Variants in KPNA1 observed in about 807,000 individuals in gnomAD.
KPNA1 encodes the protein importin subunit alpha-5.
In KPNA1, 10 loss-of-function variants were observed where a neutral mutation model predicts 70.5. The observed-to-expected ratio is 0.14, with a 90% CI of 0.09 to 0.24. The LOEUF is 0.24. Ranked by LOEUF, KPNA1 falls within the 10% of genes least tolerant of loss-of-function variation. The pLI is 1.00. For synonymous variants in KPNA1, 192 were observed against 221.9 expected (o/e 0.87, Z 1.20); for missense variants, 397 against 637.9 (o/e 0.62, Z 4.07).
intron 1 of KPNA1, among the ~76,000 whole-genome samples, chr3:122,511,822 G>A (rs1353631127): frequency 6.6e-6 from 1 of 152,222 alleles, no homozygotes; most frequent in Non-Finnish European, 1.5e-5. Flanking sequence ...GGTCTTAACT[G>A]ATTTTATACA....
intron 1 of KPNA1, among the ~76,000 whole-genome samples, chr3:122,501,138 C>T (rs2076824751): frequency 6.6e-6 from 1 of 151,228 alleles, no homozygotes; most frequent in African/African-American, 2.4e-5. Flanking sequence ...AAGTGATTCT[C>T]CTGCCTCAGC....
chr3:122,480,231 C>T (rs1391040711), intron 2 of KPNA1, among the ~76,000 whole-genome samples: 1 of 152,116 alleles, frequency 6.6e-6, no homozygotes, highest in Non-Finnish European at 1.5e-5. Flanking sequence ...TGATATCAAA[C>T]CCACAGAATG....
chr3:122,482,064 AC>A (rs1205419022), intron 2 of KPNA1, among the ~76,000 whole-genome samples: 1 of 146,758 alleles, frequency 6.8e-6, no homozygotes, highest in Non-Finnish European at 1.5e-5. Flanking sequence ...GCATCACTTA[AC>A]AAGAGTCTGA....
chr3:122,455,524 A>G (rs1006318423), intron 5 of KPNA1, among the ~76,000 whole-genome samples: 1 of 152,202 alleles, frequency 6.6e-6, no homozygotes, highest in Non-Finnish European at 1.5e-5. Flanking sequence ...CGTCTGAATT[A>G]AAACTTGACA....
intron 5 of KPNA1, chr3:122,460,762 C>T: frequency 1.4e-6 from 1 of 722,592 alleles, no homozygotes. Context: ...TACACAGATT[C>T]CTGACAAAGT....
intron 2 of KPNA1, among the ~76,000 whole-genome samples, chr3:122,488,924 T>C (rs953223211): frequency 6.6e-6 from 1 of 152,220 alleles, no homozygotes; most frequent in Admixed American, 6.5e-5. Flanking sequence ...TTCTTCATTA[T>C]AAAAGGTTTT....
At position 122,449,594 on chromosome 3, in the gene KPNA1, C is replaced by T. The variant is rs749836282; in HGVS notation, c.897G>A (p.Arg299=). 1.9e-6 allele frequency: 3 copies of T among 1,613,114 alleles called. No individual in the cohort carries two copies. Among genetic ancestry groups the T allele is most frequent in the Admixed American group, 3.3e-5 (2 of 59,832 alleles). ...IQAVIDAGVC[R]RLVELLMHND... is the part of the protein sequence containing the mutation. Reference sequence around the variant, plus strand: ...CTTACATCAGCAGTTCCACAAGTCTCCTACATACTCCCGCATCGATGACCG... The same window carrying T: ...CTTACATCAGCAGTTCCACAAGTCTTCTACATACTCCCGCATCGATGACCG... Residue 299 remains arginine (R), a synonymous_variant, in exon 9 of 14, where the codon AGG becomes AGA. Transcript: ENST00000344337.
At chr3:122,457,597 T>C in intron 5 of KPNA1, 1 of 767,120 alleles carries the variant, frequency 1.3e-6, no homozygotes, top group South Asian at 1.8e-5. Context: ...ACTCACTAAA[T>C]AAGGCTACAC....
At position 122,424,131 on chromosome 3, in the gene KPNA1, C is replaced by T. The variant is rs903257088; in HGVS notation, c.*2854G>A. ...TTTTCCCCCACCAAAGTTCTCATTACAAATAATATAGATTGGAAGTTTGGA... is the reference window on the plus strand; with the variant it reads ...TTTTCCCCCACCAAAGTTCTCATTATAAATAATATAGATTGGAAGTTTGGA... On this transcript the variant is annotated 3_prime_UTR_variant, in exon 14 of 14. Coordinates refer to ENST00000344337, the MANE Select transcript of KPNA1 (RefSeq NM_002264.4). 2 of 151,986 alleles carry T rather than the reference C, an allele frequency of 1.3e-5. No individual in the cohort carries two copies. Among genetic ancestry groups the T allele is most frequent in the Admixed American group, 1.3e-4 (2 of 15,250 alleles). The allele number at this position is 151,986 out of a possible 1,614,324, so 9.4% of individuals were successfully genotyped here. A position where few individuals can be genotyped will look rare whatever the true frequency, so the allele number is the denominator to read the frequency against.
intron 1 of KPNA1, among the ~76,000 whole-genome samples, chr3:122,503,732 T>C (rs1333338374): frequency 6.6e-6 from 1 of 152,224 alleles, no homozygotes; most frequent in Non-Finnish European, 1.5e-5. Context: ...GTGAATTATA[T>C]TAATAGACTT....
intron 4 of KPNA1, among the ~76,000 whole-genome samples, chr3:122,461,838 T>C (rs184878736): frequency 2.0e-4 from 30 of 152,310 alleles, no homozygotes; most frequent in Admixed American, 1.8e-3. Flanking sequence ...TAATACAGTA[T>C]CCTATAAATG....
At chr3:122,447,146 G>GGATTT (rs754321720) in intron 9 of KPNA1, among the ~76,000 whole-genome samples, 18 of 152,276 alleles carry the variant, frequency 1.2e-4, no homozygotes, top group Middle Eastern at 6.8e-3. Context: ...CAGAAAAAGA[G>GGATTT]GGAATCCTAC....
chr3:122,436,453 C>CA (rs1199131027), intron 11 of KPNA1, among the ~76,000 whole-genome samples: 1 of 152,236 alleles, frequency 6.6e-6, no homozygotes, highest in African/African-American at 2.4e-5. Context: ...GCTTGGGGGG[C>CA]ATCACGGAAC....
At chr3:122,428,697 G>C (rs1271617492) in intron 12 of KPNA1, among the ~76,000 whole-genome samples, 1 of 152,188 alleles carries the variant, frequency 6.6e-6, no homozygotes, top group Non-Finnish European at 1.5e-5. Flanking sequence ...TGACTGATGT[G>C]AACAGGCTTA....
At chr3:122,444,642 C>A (rs2076111803) in intron 9 of KPNA1, among the ~76,000 whole-genome samples, 1 of 152,198 alleles carries the variant, frequency 6.6e-6, no homozygotes, top group Non-Finnish European at 1.5e-5. Flanking sequence ...CCGAGAGACA[C>A]CTCATACAGG....
At chr3:122,476,884 A>AC (rs60682616) in intron 2 of KPNA1, among the ~76,000 whole-genome samples, 1 of 138,648 alleles carries the variant, frequency 7.2e-6, no homozygotes, top group Non-Finnish European at 1.6e-5. Flanking sequence ...AAAAAAAAAA[A>AC]CTAAAAAAAG....
intron 9 of KPNA1, among the ~76,000 whole-genome samples, chr3:122,443,533 T>C (rs779893583): frequency 2.0e-4 from 31 of 152,206 alleles, no homozygotes; most frequent in African/African-American, 2.9e-4. Flanking sequence ...GTGTAGCCTA[T>C]TGGGGGAACC....
At chr3:122,474,225 AT>A (rs2076473817) in intron 2 of KPNA1, among the ~76,000 whole-genome samples, 1 of 152,174 alleles carries the variant, frequency 6.6e-6, no homozygotes, top group Non-Finnish European at 1.5e-5. Flanking sequence ...GAGAGGTATT[AT>A]TCCTATCTAT....
At chr3:122,493,983 TCCTGTGC>T (rs2076729222) in intron 2 of KPNA1, among the ~76,000 whole-genome samples, 1 of 152,216 alleles carries the variant, frequency 6.6e-6, no homozygotes, top group Non-Finnish European at 1.5e-5. Flanking sequence ...TCTTTTCATG[TCCTGTGC>T]CCACGTTTTA....
Sources: allele counts gnomAD v4.1 joint callset (sites outside exome capture counted in the v4.1 genomes callset), GRCh38; gene constraint gnomAD v4.1.1; transcripts MANE v1.5; gene names NCBI Gene and HGNC (gene_info 2026-07-23, HGNC 2026-07-21).